Variants in CYSTM1 observed in about 807,000 individuals in gnomAD.
The protein encoded by CYSTM1 is cysteine-rich transmembrane module-containing protein 1.
Under a neutral mutation model 13.1 loss-of-function variants are expected in CYSTM1, and 4 were observed. The ratio of observed to expected loss-of-function variants is 0.31; its 90% CI spans 0.15 to 0.70. The LOEUF is 0.70. Ranked by LOEUF, CYSTM1 falls within the 30% of genes least tolerant of loss-of-function variation. The pLI, the probability that CYSTM1 is intolerant of heterozygous loss-of-function variation, is 0.72. For missense variants in CYSTM1, 96 were observed against 121.6 expected (o/e 0.79, Z 0.99); for synonymous variants, 36 against 42.7 (o/e 0.84, Z 0.62).
At chr5:140,212,498 T>C (rs1433580177) in intron 2 of CYSTM1, among the ~76,000 whole-genome samples, 1 of 152,086 alleles carries the variant, frequency 6.6e-6, no homozygotes, top group Non-Finnish European at 1.5e-5. Context: ...TGGCGTGCAG[T>C]GGCAGGATCA....
At chr5:140,236,617 T>G (rs948379327) in intron 2 of CYSTM1, among the ~76,000 whole-genome samples, 3 of 152,216 alleles carry the variant, frequency 2.0e-5, no homozygotes, top group Admixed American at 6.5e-5. Flanking sequence ...CATTACAACA[T>G]TTTCCTGTGT....
chr5:140,218,845 C>T (rs1764459628), intron 2 of CYSTM1, among the ~76,000 whole-genome samples: 1 of 152,200 alleles, frequency 6.6e-6, no homozygotes, highest in Non-Finnish European at 1.5e-5. Flanking sequence ...AAAATCACCG[C>T]TTTGGCAGCT....
intron 1 of CYSTM1, among the ~76,000 whole-genome samples, chr5:140,189,664 TATATA>T (rs1488970083): frequency 6.6e-6 from 1 of 152,162 alleles, no homozygotes; most frequent in South Asian, 2.1e-4. Context: ...ACTGTGAAAA[TATATA>T]ATAATTGTTC....
At chr5:140,238,408 T>C (rs1262988282) in intron 2 of CYSTM1, among the ~76,000 whole-genome samples, 3 of 152,188 alleles carry the variant, frequency 2.0e-5, no homozygotes, top group African/African-American at 4.8e-5. Context: ...TGCCCAGATA[T>C]TCCCTGGAAG....
chr5:140,209,610 A>T (rs1764339292), intron 2 of CYSTM1, among the ~76,000 whole-genome samples: 1 of 142,180 alleles, frequency 7.0e-6, no homozygotes, highest in African/African-American at 2.5e-5. Context: ...TTGTATTTTT[A>T]GTAAAGGCGG....
In CYSTM1 at chr5:140,189,817, G is replaced by T. The variant is rs973518460; in HGVS notation, c.-20-4629G>T. Reference sequence around the variant, plus strand: ...TATATATATATCTAAGAGCTTCTGGGTCATAATGTAAATACTGCAAAAGTC... The same window carrying T: ...TATATATATATCTAAGAGCTTCTGGTTCATAATGTAAATACTGCAAAAGTC... On this transcript the variant is annotated intron_variant, in intron 1 of 2. Coordinates refer to ENST00000261811, the MANE Select transcript of CYSTM1 (RefSeq NM_032412.4). Among the ~76,000 whole-genome samples the T allele has an allele frequency of 1.4e-4, 22 of 152,058 alleles. 1 individual carries two copies. Among genetic ancestry groups the T allele is most frequent in the Admixed American group, 1.0e-3 (16 of 15,254 alleles).
intron 2 of CYSTM1, among the ~76,000 whole-genome samples, chr5:140,232,302 T>C (rs973776280): frequency 6.6e-6 from 1 of 152,054 alleles, no homozygotes; most frequent in Non-Finnish European, 1.5e-5. Flanking sequence ...GGAGGAGAGG[T>C]TGGGCTAGAG....
intron 1 of CYSTM1, among the ~76,000 whole-genome samples, chr5:140,177,637 A>T (rs1030191263): frequency 6.6e-6 from 1 of 152,216 alleles, no homozygotes; most frequent in Non-Finnish European, 1.5e-5. Flanking sequence ...ACTTCCAGTC[A>T]GATCAGTGAA....
intron 2 of CYSTM1, among the ~76,000 whole-genome samples, chr5:140,204,281 G>T (rs532860309): frequency 1.3e-5 from 2 of 152,158 alleles, no homozygotes; most frequent in Admixed American, 6.5e-5. Flanking sequence ...GCTGAGGCAG[G>T]AGGATCACCT....
chr5:140,235,112 G>A (rs867706035), intron 2 of CYSTM1, among the ~76,000 whole-genome samples: 7 of 151,744 alleles, frequency 4.6e-5, no homozygotes, highest in African/African-American at 1.2e-4. Context: ...GATTACAGGC[G>A]CCCGCCACCA....
At chr5:140,214,988 G>A (rs912021328) in intron 2 of CYSTM1, among the ~76,000 whole-genome samples, 10 of 152,186 alleles carry the variant, frequency 6.6e-5, no homozygotes, top group Admixed American at 2.0e-4. Flanking sequence ...CTGTGCATAG[G>A]GTGGTATGTC....
At chr5:140,240,991 T>C (rs1395533669) in intron 2 of CYSTM1, among the ~76,000 whole-genome samples, 1 of 152,218 alleles carries the variant, frequency 6.6e-6, no homozygotes, top group East Asian at 1.9e-4. Context: ...TTCTAAGTTA[T>C]GTGTGGGCAC....
chr5:140,175,990 A>G lies in CYSTM1; in HGVS notation c.-21+705A>G, dbSNP rs958748627. 6.6e-6 allele frequency among the ~76,000 whole-genome samples: 1 copy of G among 150,748 alleles called. No individual in the cohort carries two copies. The highest frequency in any genetic ancestry group is 2.4e-5 in the African/African-American group (1 of 40,908). ...GCAGGGGGGAGAGAAGGAGGGGAGG[A>G]CCCCTGGGGAAGGAGACCATGAGGA... is the stretch of plus-strand genomic sequence containing the variant. On this transcript the variant is annotated intron_variant, in intron 1 of 2. Coordinates refer to ENST00000261811, the MANE Select transcript of CYSTM1 (RefSeq NM_032412.4). The surrounding 1 kb of genome is among the most constrained non-coding windows in gnomAD (Gnocchi z 4.9).
At chr5:140,206,928 G>A (rs544840318) in intron 2 of CYSTM1, among the ~76,000 whole-genome samples, 53 of 152,236 alleles carry the variant, frequency 3.5e-4, no homozygotes, top group Non-Finnish European at 7.1e-4. Context: ...GTGCCACCAA[G>A]GCTGTCTCAG....
chr5:140,238,717 T>C (rs1324198986), intron 2 of CYSTM1, among the ~76,000 whole-genome samples: 1 of 152,154 alleles, frequency 6.6e-6, no homozygotes, highest in African/African-American at 2.4e-5. Flanking sequence ...ATTGGGAAAA[T>C]GCTTAAAGAT....
At chr5:140,232,927 G>A (rs946438650) in intron 2 of CYSTM1, among the ~76,000 whole-genome samples, 9 of 152,190 alleles carry the variant, frequency 5.9e-5, no homozygotes, top group South Asian at 2.1e-4. Flanking sequence ...TGTCCTCTGC[G>A]GTAGCTGCTG....
At chr5:140,199,034 C>T (rs141830575) in intron 2 of CYSTM1, among the ~76,000 whole-genome samples, 242 of 152,238 alleles carry the variant, frequency 1.6e-3, no homozygotes, top group African/African-American at 5.5e-3. Context: ...TCAGCTCCCA[C>T]TTATGAGTAA....
At chr5:140,238,982 G>A (rs1357947552) in intron 2 of CYSTM1, among the ~76,000 whole-genome samples, 1 of 152,138 alleles carries the variant, frequency 6.6e-6, no homozygotes, top group African/African-American at 2.4e-5. Flanking sequence ...CGCTGGTCTG[G>A]GTGATAAGGG....
chr5:140,196,501 A>G (rs1764161404), intron 2 of CYSTM1, among the ~76,000 whole-genome samples: 1 of 152,226 alleles, frequency 6.6e-6, no homozygotes, highest in Admixed American at 6.5e-5. Context: ...CTCTGTTAAG[A>G]TTGAATAGAA....
Sources: allele counts gnomAD v4.1 joint callset (sites outside exome capture counted in the v4.1 genomes callset), GRCh38; gene constraint gnomAD v4.1.1; non-coding constraint Gnocchi (gnomAD v3.1); transcripts MANE v1.5; gene names NCBI Gene and HGNC (gene_info 2026-07-23, HGNC 2026-07-21).